The following MAF variants were observed in gnomAD, a reference collection of about 807,000 sequenced individuals.
MAF encodes the protein transcription factor Maf.
MAF carries 10 observed loss-of-function variants against 22.0 expected under a neutral mutation model. That is an observed-to-expected ratio of 0.45 (90% CI 0.28 to 0.77). The LOEUF (loss-of-function observed/expected upper bound fraction) is 0.77. Among genes scored for constraint, MAF ranks in the 30% least tolerant of loss-of-function variants. The pLI, the probability that MAF is intolerant of heterozygous loss-of-function variation, is 0.12. For missense variants in MAF, 544 were observed against 548.4 expected, an observed-to-expected ratio of 0.99 and a Z score of 0.08; for synonymous variants, 337 against 255.8, an observed-to-expected ratio of 1.32 and a Z score of -3.03.
chr16:79,241,859 A>G, the MAF span, among the ~76,000 whole-genome samples: 1 of 152,102 alleles, frequency 6.6e-6, no homozygotes, highest in Non-Finnish European at 1.5e-5. Context: ...CAAAAACACT[A>G]CAAGCCAGAA....
chr16:79,499,699 A>G, the MAF span, among the ~76,000 whole-genome samples: 2 of 152,164 alleles, frequency 1.3e-5, no homozygotes, highest in African/African-American at 4.8e-5. Flanking sequence ...CCAGACACCA[A>G]ATGGGCTGGC....
chr16:79,215,644 T>C, the MAF span, among the ~76,000 whole-genome samples: 4 of 152,246 alleles, frequency 2.6e-5, no homozygotes, highest in East Asian at 7.7e-4. Context: ...CGGGGAACTT[T>C]GTAAGGGTAG....
the MAF span, among the ~76,000 whole-genome samples, chr16:79,218,161 G>C: frequency 6.6e-6 from 1 of 152,024 alleles, no homozygotes; most frequent in Non-Finnish European, 1.5e-5. Context: ...ACAGCTCTGA[G>C]TTGTATCTAT....
chr16:79,472,473 A>G, the MAF span, among the ~76,000 whole-genome samples: 3 of 152,320 alleles, frequency 2.0e-5, no homozygotes, highest in Non-Finnish European at 4.4e-5. Flanking sequence ...ATGCCACATC[A>G]GGGGGAAACC....
chr16:79,588,289 T>A (rs1317413446), intron 1 of MAF, among the ~76,000 whole-genome samples: 1 of 152,144 alleles, frequency 6.6e-6, no homozygotes, highest in Non-Finnish European at 1.5e-5. Flanking sequence ...CTTACCTGCC[T>A]TTTACGTGGG....
At chr16:79,518,821 A>G in the MAF span, among the ~76,000 whole-genome samples, 1 of 152,154 alleles carries the variant, frequency 6.6e-6, no homozygotes, top group East Asian at 1.9e-4. Flanking sequence ...GCCACTCGGG[A>G]GGCTGAGGCA....
At chr16:79,575,906 C>T in the MAF span, among the ~76,000 whole-genome samples, 308 of 152,206 alleles carry the variant, frequency 2.0e-3, 1 homozygote, top group Non-Finnish European at 2.7e-3. Flanking sequence ...TCACAAATGT[C>T]TGGGTCAATT....
the MAF span, among the ~76,000 whole-genome samples, chr16:79,333,237 A>G: frequency 1.3e-5 from 2 of 152,126 alleles, no homozygotes; most frequent in African/African-American, 4.8e-5. Flanking sequence ...CTTGGGGCTC[A>G]GCCATGAGTC....
chr16:79,553,781 C>T, the MAF span, among the ~76,000 whole-genome samples: 1 of 152,294 alleles, frequency 6.6e-6, no homozygotes, highest in South Asian at 2.1e-4. Flanking sequence ...TTAACACTCT[C>T]ATCACTACTT....
the MAF span, among the ~76,000 whole-genome samples, chr16:79,276,762 T>C: frequency 1.3e-5 from 2 of 152,138 alleles, no homozygotes; most frequent in African/African-American, 4.8e-5. Context: ...TGGGATTGCC[T>C]AACAAATGAC....
chr16:79,512,500 G>C, the MAF span, among the ~76,000 whole-genome samples: 7 of 152,178 alleles, frequency 4.6e-5, no homozygotes, highest in South Asian at 1.2e-3. Flanking sequence ...CCCATCTCCA[G>C]GTGTCCTATT....
chr16:79,272,520 A>T, the MAF span, among the ~76,000 whole-genome samples: 1 of 152,178 alleles, frequency 6.6e-6, no homozygotes, highest in Admixed American at 6.5e-5. Context: ...ACTAGACCAC[A>T]GCGCCGCTCC....
chr16:79,233,548 G>C, the MAF span, among the ~76,000 whole-genome samples: 2 of 152,042 alleles, frequency 1.3e-5, no homozygotes, highest in Non-Finnish European at 2.9e-5. Context: ...AATCATCAAT[G>C]GCAAATACAT....
downstream of MAF, among the ~76,000 whole-genome samples, chr16:79,585,582 C>G (rs1197062158): frequency 6.6e-6 from 1 of 152,162 alleles, no homozygotes; most frequent in Admixed American, 6.5e-5. Flanking sequence ...GAGATCTACT[C>G]AAACTGGATT....
At chr16:79,412,245 G>A in the MAF span, among the ~76,000 whole-genome samples, 34 of 152,294 alleles carry the variant, frequency 2.2e-4, no homozygotes, top group African/African-American at 7.7e-4. Context: ...ACAACGGTGA[G>A]GTACAGTTGT....
chr16:79,399,281 C>A, the MAF span, among the ~76,000 whole-genome samples: 1 of 152,140 alleles, frequency 6.6e-6, no homozygotes, highest in Non-Finnish European at 1.5e-5. Context: ...TGAAAAAATT[C>A]TTTGTAAAGT....
the MAF span, among the ~76,000 whole-genome samples, chr16:79,216,241 A>C: frequency 7.2e-5 from 11 of 152,228 alleles, no homozygotes; most frequent in African/African-American, 2.4e-4. Context: ...ATATGTGTAT[A>C]TGTACATGTA....
At chr16:79,202,849 C>T in the MAF span, 1 of 152,082 alleles carries the variant, frequency 6.6e-6, no homozygotes, top group Non-Finnish European at 1.5e-5. Context: ...GAAAGGCAGC[C>T]TAATTGTATT....
the MAF span, among the ~76,000 whole-genome samples, chr16:79,537,390 ATG>A: frequency 6.6e-6 from 1 of 151,996 alleles, no homozygotes; most frequent in African/African-American, 2.4e-5. Context: ...GTTCTCAATC[ATG>A]TATATGTTTC....
Sources: gnomAD v4.1 joint callset for allele counts (sites outside exome capture counted in the v4.1 genomes callset) on GRCh38, gnomAD v4.1.1 for gene constraint, MANE v1.5 for transcripts, NCBI Gene and HGNC (gene_info 2026-07-23, HGNC 2026-07-21) for gene names.